Variants in TGFBR1 observed in about 807,000 individuals in gnomAD.
TGFBR1 encodes transforming growth factor beta receptor 1.
Under a neutral mutation model 55.1 loss-of-function variants are expected in TGFBR1, and 20 were observed. The observed-to-expected ratio is 0.36, with a 90% CI of 0.26 to 0.53. TGFBR1 has a LOEUF of 0.53. TGFBR1 is among the 20% of genes least tolerant of loss of function. TGFBR1 has a pLI of 0.91. For missense variants in TGFBR1, 385 were observed against 617.6 expected (o/e 0.62, Z 3.99); for synonymous variants, 220 against 214.8 (o/e 1.02, Z -0.21).
intron 3 of TGFBR1, among the ~76,000 whole-genome samples, chr9:99,136,130 G>A (rs1827431813): frequency 6.6e-6 from 1 of 152,160 alleles, no homozygotes; most frequent in African/African-American, 2.4e-5. Flanking sequence ...GCTGGGATTA[G>A]AGGTGTGAGT....
chr9:99,130,591 T>C (rs1827193446), intron 2 of TGFBR1, among the ~76,000 whole-genome samples: 2 of 152,262 alleles, frequency 1.3e-5, no homozygotes, highest in African/African-American at 4.8e-5. Context: ...TTACAAAACC[T>C]TGTGAAGAAG....
rs11544424 is a variant in TGFBR1, at chr9:99,152,450, A to G, written c.*3145A>G. Reference sequence around the variant, plus strand: ...CAAGAAGTGCCTTGAGTTGGTGTACAGTGCCATGGCCATCAAGAATCCCAG... The same window carrying G: ...CAAGAAGTGCCTTGAGTTGGTGTACGGTGCCATGGCCATCAAGAATCCCAG... On this transcript the variant is annotated 3_prime_UTR_variant, in exon 9 of 9. Coordinates refer to ENST00000374994, the MANE Select transcript of TGFBR1 (RefSeq NM_004612.4). 8.7e-6 allele frequency: 2 copies of G among 230,280 alleles called. No individual in the cohort carries two copies. The allele number at this position is 230,280 out of a possible 1,614,324, so 14.3% of individuals were successfully genotyped here. A position where few individuals can be genotyped will look rare whatever the true frequency, so the allele number is the denominator to read the frequency against.
chr9:99,113,906 C>T (rs878965291), intron 1 of TGFBR1, among the ~76,000 whole-genome samples: 7 of 152,282 alleles, frequency 4.6e-5, no homozygotes, highest in Admixed American at 4.6e-4. Context: ...AGATAACCTT[C>T]TGTCTGAGAA....
rs772488921 is a variant in TGFBR1 at position 99,144,923 on chromosome 9, G to A, written c.1130+35G>A. On this transcript the variant is annotated intron_variant, in intron 6 of 8. Transcript: ENST00000374994. ...TGAACAACTATATTTAATATCTTCT[G>A]AAATCACCTTTTTTCCCTTCTCTTT... 2.5e-6 allele frequency: 4 copies of A among 1,608,998 alleles called. No homozygotes were observed. In the Admixed American group the frequency reaches 5.0e-5, roughly 20 times the overall value.
At position 99,153,103 on chromosome 9, in the gene TGFBR1, G is replaced by A. The variant is rs141277814; in HGVS notation, c.*3798G>A. 113 of 227,506 alleles carry A rather than the reference G, an allele frequency of 5.0e-4. 1 individual carries two copies. The East Asian group carries it at 6.7e-3, about 13-fold the overall frequency. The allele number at this position is 227,506 out of a possible 1,614,324, so 14.1% of individuals were successfully genotyped here. On this transcript the variant is annotated 3_prime_UTR_variant, in exon 9 of 9. Coordinates refer to ENST00000374994, the MANE Select transcript of TGFBR1 (RefSeq NM_004612.4). ...TTTTCACGTTGTGCCAACGGAATAGGGTGTTTGATATTTCTTCATATGTTA... is the reference window on the plus strand; with the variant it reads ...TTTTCACGTTGTGCCAACGGAATAGAGTGTTTGATATTTCTTCATATGTTA...
intron 1 of TGFBR1, among the ~76,000 whole-genome samples, chr9:99,123,723 T>A (rs1826959098): frequency 6.6e-6 from 1 of 152,192 alleles, no homozygotes; most frequent in Admixed American, 6.5e-5. Flanking sequence ...ATTGCCTAGA[T>A]GATATTCAAA....
chr9:99,154,051 C>T lies in TGFBR1; in HGVS notation c.*4746C>T, dbSNP rs149547319. On this transcript the variant is annotated 3_prime_UTR_variant, in exon 9 of 9. Coordinates refer to ENST00000374994, the MANE Select transcript of TGFBR1 (RefSeq NM_004612.4). ...GGGAGGGGCTTTGTGAATAGGATTG[C>T]TCTCACATTAAAGATAGTTACTTCA... The T allele has an allele frequency of 4.8e-4, 107 of 224,798 alleles. No individual in the cohort carries two copies. Among genetic ancestry groups the T allele is most frequent in the African/African-American group, 2.2e-3 (98 of 44,886 alleles). 13.9% of individuals were successfully genotyped at this position (224,798 alleles called of 1,614,324 possible). A position where few individuals can be genotyped will look rare whatever the true frequency, so the allele number is the denominator to read the frequency against.
Position 99,142,618 on chromosome 9 carries a change from A to G in TGFBR1, c.888A>G (p.Thr296=), listed in dbSNP as rs201943631. Residue 296 remains threonine, a synonymous_variant, in exon 5 of 9, where the codon ACA becomes ACG. Coordinates refer to ENST00000374994, the MANE Select transcript of TGFBR1 (RefSeq NM_004612.4). ...TTTTTGATTACTTAAACAGATACAC[A>G]GTTACTGTGGAAGGAATGATAAAAC... is the stretch of plus-strand genomic sequence containing the variant. ...GSLFDYLNRY[T]VTVEGMIKLA... 6.8e-6 allele frequency: 11 copies of G among 1,613,974 alleles called. No individual in the cohort carries two copies. The Middle Eastern group carries it at 4.9e-4, about 72-fold the overall frequency.
At chr9:99,122,603 G>T (rs1426342954) in intron 1 of TGFBR1, among the ~76,000 whole-genome samples, 1 of 151,966 alleles carries the variant, frequency 6.6e-6, no homozygotes, top group Non-Finnish European at 1.5e-5. Context: ...TTTTCCTCAT[G>T]TCACTTCCTT....
chr9:99,105,827 C>T (rs1335017886), intron 1 of TGFBR1, among the ~76,000 whole-genome samples: 2 of 152,160 alleles, frequency 1.3e-5, no homozygotes, highest in Non-Finnish European at 2.9e-5. Context: ...AGCTCCGAGC[C>T]TCTAGGGCTT....
chr9:99,119,466 T>C (rs1349541806), intron 1 of TGFBR1, among the ~76,000 whole-genome samples: 4 of 152,022 alleles, frequency 2.6e-5, no homozygotes, highest in African/African-American at 9.7e-5. Context: ...TTGTGGGGAG[T>C]AGGGGTGGAA....
At chr9:99,129,302 C>G (rs980679703) in intron 2 of TGFBR1, among the ~76,000 whole-genome samples, 2 of 152,082 alleles carry the variant, frequency 1.3e-5, no homozygotes, top group African/African-American at 4.8e-5. Context: ...GAAGGTGGTT[C>G]CAGGGTGGAC....
chr9:99,105,451 C>G, intron 1 of TGFBR1, 149 bp downstream of exon 1: 5 of 685,816 alleles, frequency 7.3e-6, no homozygotes, highest in Non-Finnish European at 7.2e-6. Flanking sequence ...TGGCGCCGCG[C>G]GGCTCGGCGG....
At chr9:99,118,695 G>T (rs1352773927) in intron 1 of TGFBR1, among the ~76,000 whole-genome samples, 1 of 147,824 alleles carries the variant, frequency 6.8e-6, no homozygotes, top group African/African-American at 2.5e-5. Context: ...GCCCAGGATG[G>T]AGTGCTGTGG....
At chr9:99,119,940 C>T (rs1049466133) in intron 1 of TGFBR1, among the ~76,000 whole-genome samples, 3 of 152,178 alleles carry the variant, frequency 2.0e-5, no homozygotes, top group African/African-American at 7.2e-5. Flanking sequence ...GATTCTCTGT[C>T]TAGCATCTAG....
chr9:99,151,413 T>G lies in TGFBR1; in HGVS notation c.*2108T>G, dbSNP rs909765240. 1 of 228,998 alleles carries G rather than the reference T, an allele frequency of 4.4e-6. No individual in the cohort carries two copies. The highest frequency in any genetic ancestry group is 8.6e-6 in the Non-Finnish European group (1 of 116,264). The allele number at this position is 228,998 out of a possible 1,614,324, so 14.2% of individuals were successfully genotyped here. ...TTTTTTTTTGTTTTTTTTTTTTTGT[T>G]GTTGTTTTTGGGCCATTTCTAAGCC... On this transcript the variant is annotated 3_prime_UTR_variant, in exon 9 of 9. Transcript: ENST00000374994.
intron 3 of TGFBR1, among the ~76,000 whole-genome samples, chr9:99,134,642 C>T (rs921800262): frequency 4.0e-5 from 6 of 151,284 alleles, no homozygotes; most frequent in African/African-American, 7.3e-5. Flanking sequence ...ACTTATACTC[C>T]GGAAAGACAC....
intron 1 of TGFBR1, among the ~76,000 whole-genome samples, chr9:99,116,604 T>C (rs1826750258): frequency 6.6e-6 from 1 of 152,222 alleles, no homozygotes; most frequent in South Asian, 2.1e-4. Context: ...TCATCAGTTA[T>C]CCAAGGTATA....
At chr9:99,121,749 C>T (rs537075235) in intron 1 of TGFBR1, among the ~76,000 whole-genome samples, 36 of 151,890 alleles carry the variant, frequency 2.4e-4, no homozygotes, top group Non-Finnish European at 3.4e-4. Context: ...ACTCTCACTG[C>T]GAAGAAAAGT....
Sources: gnomAD v4.1 joint callset for allele counts (sites outside exome capture counted in the v4.1 genomes callset) on GRCh38, gnomAD v4.1.1 for gene constraint, MANE v1.5 for transcripts, NCBI Gene and HGNC (gene_info 2026-07-23, HGNC 2026-07-21) for gene names.